Variants in TCF25 observed in about 807,000 individuals in gnomAD.
TCF25 encodes ribosome quality control complex subunit TCF25.
In TCF25, 41 loss-of-function variants were observed where a neutral mutation model predicts 83.1. The ratio of observed to expected loss-of-function variants is 0.49; its 90% CI spans 0.38 to 0.64. The LOEUF is 0.64. TCF25 is among the 30% of genes least tolerant of loss of function. The pLI is 0.00. For synonymous variants in TCF25, 458 were observed against 365.0 expected (o/e 1.25, Z -2.90); for missense variants, 979 against 914.5 (o/e 1.07, Z -0.91).
intron 9 of TCF25, among the ~76,000 whole-genome samples, chr16:89,897,457 G>A (rs892053040): frequency 3.3e-5 from 5 of 152,212 alleles, no homozygotes; most frequent in Non-Finnish European, 7.3e-5. Context: ...TGTGGGATCC[G>A]CTCCTACCCT....
chr16:89,904,895 G>A (rs754255412), intron 13 of TCF25, 43 bp from the exon 14 acceptor site: 10 of 1,580,158 alleles, frequency 6.3e-6, no homozygotes, highest in Non-Finnish European at 7.7e-6. Flanking sequence ...GGCAGGCTGT[G>A]GTCTGAAGAG....
chr16:89,887,755 C>T (rs753716459), intron 5 of TCF25, 38 bp downstream of exon 5: 1 of 1,521,920 alleles, frequency 6.6e-7, no homozygotes, highest in South Asian at 1.3e-5. Flanking sequence ...ACAGCTGCTT[C>T]ATTCCTTCTT....
intron 5 of TCF25, among the ~76,000 whole-genome samples, chr16:89,888,679 CT>C (rs530768255): frequency 1.1e-3 from 152 of 134,994 alleles, no homozygotes; most frequent in Admixed American, 1.3e-3. Context: ...CTCTTTCTTT[CT>C]TTTTTTTTTT....
intron 12 of TCF25, among the ~76,000 whole-genome samples, chr16:89,902,793 G>A (rs959481222): frequency 1.1e-4 from 17 of 152,178 alleles, no homozygotes; most frequent in South Asian, 2.1e-4. Context: ...GCGGTGAGGG[G>A]TGAGGGTTAT....
intron 1 of TCF25, among the ~76,000 whole-genome samples, chr16:89,876,336 T>G (rs1414344155): frequency 6.6e-6 from 1 of 152,230 alleles, no homozygotes; most frequent in East Asian, 1.9e-4. Context: ...TAGCTCTTAA[T>G]AAACAGAAGT....
chr16:89,893,348 AC>A (rs1289220998), intron 6 of TCF25, among the ~76,000 whole-genome samples: 9 of 152,042 alleles, frequency 5.9e-5, no homozygotes, highest in Non-Finnish European at 8.8e-5. Flanking sequence ...TTCCACAGCC[AC>A]CCCGGACATT....
rs1290862299 is a variant in TCF25, at chr16:89,896,147, G to A, written c.1022+64G>A. ...CCCTTCTCCTGCGAGTGAGGCTGGG[G>A]GAGGTGCAGTGGGCACCTCATGGCT... On this transcript the variant is annotated intron_variant, in intron 9 of 17. Transcript: ENST00000263346. The A allele has an allele frequency of 2.6e-6, 4 of 1,533,434 alleles. No individual in the cohort carries two copies. In the African/African-American group the frequency reaches 4.1e-5, roughly 16 times the overall value. 95.0% of individuals were successfully genotyped at this position (1,533,434 alleles called of 1,614,324 possible).
intron 1 of TCF25, among the ~76,000 whole-genome samples, 161 bp from the exon 2 acceptor site, chr16:89,883,190 G>A (rs536138342): frequency 6.6e-6 from 1 of 152,304 alleles, no homozygotes; most frequent in East Asian, 1.9e-4. Flanking sequence ...AGTCACTGCT[G>A]TGTCCAACAG....
At chr16:89,894,211 G>A (rs7201274) in intron 7 of TCF25, among the ~76,000 whole-genome samples, 3,158 of 151,576 alleles carry the variant, frequency 0.021, 116 homozygotes, top group African/African-American at 0.073. Context: ...TCAGATTCCC[G>A]GCCCCCGTGC....
At chr16:89,884,816 C>T (rs2042865497) in intron 3 of TCF25, among the ~76,000 whole-genome samples, 160 bp downstream of exon 3, 1 of 98,644 alleles carries the variant, frequency 1.0e-5, no homozygotes, top group Non-Finnish European at 1.8e-5. Flanking sequence ...CTCCCTCTGC[C>T]TGACGCCCTC....
intron 12 of TCF25, 127 bp from the exon 13 acceptor site, chr16:89,903,991 C>T: frequency 1.1e-6 from 1 of 929,392 alleles, no homozygotes; most frequent in Non-Finnish European, 1.6e-6. Flanking sequence ...GCTGGCCCTG[C>T]AGACTCTCCA....
intron 16 of TCF25, among the ~76,000 whole-genome samples, chr16:89,908,012 T>C (rs1597390733): frequency 9.5e-6 from 1 of 105,730 alleles, no homozygotes; most frequent in Non-Finnish European, 1.9e-5. Context: ...AGCTACCGCC[T>C]CCCTCCTCCC....
intron 1 of TCF25, 106 bp downstream of exon 1, chr16:89,873,965 G>C: frequency 7.8e-7 from 1 of 1,274,684 alleles, no homozygotes; most frequent in African/African-American, 1.6e-5. Context: ...CCAGGGGTGG[G>C]AAGGGTGACG....
intron 16 of TCF25, chr16:89,908,830 C>A (rs1403956011): frequency 9.3e-6 from 8 of 859,378 alleles, no homozygotes; most frequent in Non-Finnish European, 1.2e-5. Flanking sequence ...CAGCTCCCAG[C>A]TCCCACCTCG....
At chr16:89,874,904 ATGCTTGGTTGAC>A (rs1282279457) in intron 1 of TCF25, 2 of 151,926 alleles carry the variant, frequency 1.3e-5, no homozygotes, top group Non-Finnish European at 2.9e-5. Flanking sequence ...GTGAGTCACC[ATGCTTGGTTGAC>A]TGCCCTTCTC....
chr16:89,900,987 C>G (rs2044277113), intron 12 of TCF25, 193 bp downstream of exon 12: 1 of 589,994 alleles, frequency 1.7e-6, no homozygotes, highest in African/African-American at 1.8e-5. Flanking sequence ...CGCTGCGTGC[C>G]AAGCCAGGCA....
At chr16:89,893,014 C>T (rs891978792) in intron 6 of TCF25, among the ~76,000 whole-genome samples, 1 of 152,230 alleles carries the variant, frequency 6.6e-6, no homozygotes, top group Non-Finnish European at 1.5e-5. Flanking sequence ...GAGGCCTGTG[C>T]TGTCAGAAGG....
chr16:89,881,879 C>T (rs113199657), intron 1 of TCF25, among the ~76,000 whole-genome samples: 2 of 152,124 alleles, frequency 1.3e-5, no homozygotes, highest in African/African-American at 4.8e-5. Context: ...CTCGGCCTCC[C>T]GAGTAGCTGG....
intron 16 of TCF25, chr16:89,908,939 G>A: frequency 7.8e-7 from 1 of 1,289,328 alleles, no homozygotes; most frequent in Non-Finnish European, 1.0e-6. Flanking sequence ...ATGGGGCTCA[G>A]GGCTAAGTGG....
Sources: allele counts gnomAD v4.1 joint callset (sites outside exome capture counted in the v4.1 genomes callset), GRCh38; gene constraint gnomAD v4.1.1; transcripts MANE v1.5; gene names NCBI Gene and HGNC (gene_info 2026-07-23, HGNC 2026-07-21).